Variants in ZFP82 observed in about 807,000 individuals in gnomAD.
ZFP82 encodes the protein zinc finger protein 82 homolog.
ZFP82 carries 30 observed loss-of-function variants against 54.0 expected under a neutral mutation model. The observed-to-expected ratio is 0.56, with a 90% confidence interval of 0.42 to 0.75. The LOEUF is 0.75. ZFP82 is among the 30% of genes least tolerant of loss of function. The probability of loss-of-function intolerance (pLI) is 0.00; values close to 1 mark genes in which losing one functional copy is unlikely to be tolerated. For missense variants in ZFP82, 500 were observed against 636.8 expected, an observed-to-expected ratio of 0.79 and a Z score of 2.31; for synonymous variants, 194 against 209.5, an observed-to-expected ratio of 0.93 and a Z score of 0.64.
chr19:36,412,849 C>T (rs2032603604), intron 1 of ZFP82, among the ~76,000 whole-genome samples: 1 of 152,204 alleles, frequency 6.6e-6, no homozygotes, highest in South Asian at 2.1e-4. Flanking sequence ...CAAGCCATGC[C>T]ACCTGAATTC....
rs1233829477 is a variant in ZFP82 at position 36,390,870 on chromosome 19, G to A, written c.*1871C>T. On this transcript the variant is annotated 3_prime_UTR_variant, in exon 5 of 5. Coordinates refer to ENST00000392161, the MANE Select transcript of ZFP82 (RefSeq NM_133466.4). ...TGCAAGCTCCGCCTCCCGGGTTCAAGCCATTCTCCTGCCTCAGCCTCCTGA... is the reference window on the plus strand; with the variant it reads ...TGCAAGCTCCGCCTCCCGGGTTCAAACCATTCTCCTGCCTCAGCCTCCTGA... 6.6e-6 allele frequency: 1 copy of A among 152,230 alleles called. No homozygotes were observed. The highest frequency in any genetic ancestry group is 1.5e-5 in the Non-Finnish European group (1 of 68,072). 9.4% of individuals were successfully genotyped at this position (152,230 alleles called of 1,614,324 possible). A position where few individuals can be genotyped will look rare whatever the true frequency, so the allele number is the denominator to read the frequency against.
downstream of ZFP82, among the ~76,000 whole-genome samples, chr19:36,387,826 C>G (rs1366890725): frequency 3.9e-5 from 6 of 152,284 alleles, no homozygotes; most frequent in East Asian, 5.8e-4. Context: ...GTTGGCCAGG[C>G]TGGTCTCAAA....
intron 1 of ZFP82, among the ~76,000 whole-genome samples, chr19:36,413,947 C>A (rs1394220129): frequency 1.4e-5 from 2 of 147,620 alleles, no homozygotes; most frequent in East Asian, 4.0e-4. Flanking sequence ...GTTACCCAGG[C>A]TGGAGTGCAG....
intron 1 of ZFP82, among the ~76,000 whole-genome samples, chr19:36,418,005 T>A (rs959402030): frequency 6.6e-6 from 1 of 151,994 alleles, no homozygotes; most frequent in Non-Finnish European, 1.5e-5. Flanking sequence ...CTCAATCTCC[T>A]CCTAGGCTCA....
Position 36,410,435 on chromosome 19 carries a change from G to A in ZFP82, c.-78-568C>T, listed in dbSNP as rs7254481. On this transcript the variant is annotated intron_variant, in intron 1 of 4. Coordinates refer to ENST00000392161, the MANE Select transcript of ZFP82 (RefSeq NM_133466.4). ...AGTATGTTGGGTGTTATATATGTATGTGTGTGTGTGTGTGTATATGTGTGT... is the reference window on the plus strand; with the variant it reads ...AGTATGTTGGGTGTTATATATGTATATGTGTGTGTGTGTGTATATGTGTGT... 4.7e-3 allele frequency among the ~76,000 whole-genome samples: 579 copies of A among 123,984 alleles called. 3 individuals are homozygous for A. Among genetic ancestry groups the A allele is most frequent in the African/African-American group, 8.3e-3 (283 of 33,962 alleles). The allele number at this position is 123,984 out of a possible 152,430, so 81.3% of individuals were successfully genotyped here.
chr19:36,409,774 A>C lies in ZFP82; in HGVS notation c.9+7T>G. ...GATAGTATTCCTAGGAGGAGAAAAA[A>C]ACTTACAAGGGCCATGGTATAGAAA... On this transcript the variant is annotated splice_region_variant and intron_variant, in intron 2 of 4. Coordinates refer to ENST00000392161, the MANE Select transcript of ZFP82 (RefSeq NM_133466.4). 6.2e-7 allele frequency: 1 copy of C among 1,613,784 alleles called. No homozygotes were observed. Among genetic ancestry groups the C allele is most frequent in the South Asian group, 1.1e-5 (1 of 91,078 alleles).
At chr19:36,413,879 T>C (rs1412811197) in intron 1 of ZFP82, among the ~76,000 whole-genome samples, 1 of 151,572 alleles carries the variant, frequency 6.6e-6, no homozygotes, top group Non-Finnish European at 1.5e-5. Flanking sequence ...CATTCCACTA[T>C]TTTAAAAATT....
intron 1 of ZFP82, among the ~76,000 whole-genome samples, chr19:36,411,886 CAG>C (rs1326843077): frequency 7.0e-6 from 1 of 142,064 alleles, no homozygotes; most frequent in Non-Finnish European, 1.5e-5. Context: ...AAAAAGAAAA[CAG>C]ATTAAATAAA....
chr19:36,412,168 T>C (rs115638114), intron 1 of ZFP82, among the ~76,000 whole-genome samples: 1,708 of 152,202 alleles, frequency 0.011, 35 homozygotes, highest in African/African-American at 0.039. Flanking sequence ...ATTCAAGATA[T>C]ATAATCTCTT....
chr19:36,412,076 C>CAGAGAG (rs373512524), intron 1 of ZFP82, among the ~76,000 whole-genome samples: 552 of 93,398 alleles, frequency 5.9e-3, no homozygotes, highest in South Asian at 7.7e-3. Context: ...GTGAGAGAAA[C>CAGAGAG]AGAGAGAGAG....
chr19:36,388,403 T>C (rs1490544850), downstream of ZFP82, among the ~76,000 whole-genome samples: 1 of 152,138 alleles, frequency 6.6e-6, no homozygotes, highest in African/African-American at 2.4e-5. Context: ...TGTAAATCTA[T>C]AGATTCTAGT....
At chr19:36,403,641 C>CT (rs2032433205) in intron 4 of ZFP82, among the ~76,000 whole-genome samples, 1 of 136,594 alleles carries the variant, frequency 7.3e-6, no homozygotes, top group Non-Finnish European at 1.6e-5. Flanking sequence ...AAAAAAAAAC[C>CT]TTTTGAAACA....
At chr19:36,406,718 A>C (rs2145593478) in intron 3 of ZFP82, among the ~76,000 whole-genome samples, 1 of 152,362 alleles carries the variant, frequency 6.6e-6, no homozygotes, top group Non-Finnish European at 1.5e-5. Flanking sequence ...GTAAACATTT[A>C]GGAGAAGAAT....
Position 36,393,878 on chromosome 19 carries a change from G to T in ZFP82, c.462C>A (p.Arg154=). 1 of 1,614,156 alleles carries T rather than the reference G, an allele frequency of 6.2e-7. No homozygotes were observed. The highest frequency in any genetic ancestry group is 1.3e-5 in the African/African-American group (1 of 75,042). The change falls in exon 5 of 5, where the codon CGC becomes CGA. Residue 154 remains arginine (R), a synonymous_variant. Coordinates refer to ENST00000392161, the MANE Select transcript of ZFP82 (RefSeq NM_133466.4). ...PSEKVSSYQK[R]TSVTPHQRLH... is the part of the protein sequence containing the mutation. ...GTCTCTGATGTGGAGTAACAGATGTGCGTTTCTGGTAAGAGGACACCTTTT... is the reference window on the plus strand; with the variant it reads ...GTCTCTGATGTGGAGTAACAGATGTTCGTTTCTGGTAAGAGGACACCTTTT...
intron 4 of ZFP82, among the ~76,000 whole-genome samples, chr19:36,397,136 A>G (rs1173106477): frequency 6.9e-6 from 1 of 144,568 alleles, no homozygotes; most frequent in African/African-American, 2.6e-5. Context: ...CTTGTTGCCC[A>G]GGCTGGAGTG....
In ZFP82 at chr19:36,392,606, T is replaced by G; in HGVS notation, c.*135A>C. 2.8e-6 allele frequency: 2 copies of G among 704,230 alleles called. No individual in the cohort carries two copies. The highest frequency in any genetic ancestry group is 4.4e-6 in the Non-Finnish European group (2 of 458,448). 43.6% of individuals were successfully genotyped at this position (704,230 alleles called of 1,614,324 possible). A position where few individuals can be genotyped will look rare whatever the true frequency, so the allele number is the denominator to read the frequency against. ...CTGAAGTTTCAGGTTTGAGTGATGA[T>G]GGACTACAATACATTGTCACACTCT... On this transcript the variant is annotated 3_prime_UTR_variant, in exon 5 of 5. Transcript: ENST00000392161.
intron 3 of ZFP82, among the ~76,000 whole-genome samples, chr19:36,407,137 C>T (rs2032496931): frequency 7.4e-6 from 1 of 135,546 alleles, no homozygotes; most frequent in South Asian, 2.3e-4. Context: ...AGTGCAGTGG[C>T]GGGATCTCAG....
chr19:36,386,147 A>G (rs1015172567), downstream of ZFP82, among the ~76,000 whole-genome samples: 1 of 152,224 alleles, frequency 6.6e-6, no homozygotes. Context: ...TCCATCACAG[A>G]CAGCATTCAC....
chr19:36,414,146 C>T (rs907281130), intron 1 of ZFP82, among the ~76,000 whole-genome samples: 23 of 151,128 alleles, frequency 1.5e-4, no homozygotes, highest in African/African-American at 4.9e-4. Context: ...GTGATCCGCC[C>T]GCCTTGGCCT....
Sources: allele counts gnomAD v4.1 joint callset (sites outside exome capture counted in the v4.1 genomes callset), GRCh38; gene constraint gnomAD v4.1.1; transcripts MANE v1.5; gene names NCBI Gene and HGNC (gene_info 2026-07-23, HGNC 2026-07-21).